VPS41: variants seen among roughly 807,000 people sequenced by gnomAD.
VPS41 encodes the protein vacuolar protein sorting-associated protein 41 homolog.
Under a neutral mutation model 130.9 loss-of-function variants are expected in VPS41, and 85 were observed. The observed-to-expected ratio is 0.65, with a 90% CI of 0.55 to 0.78. VPS41 has a LOEUF of 0.78. VPS41 is among the 30% of genes least tolerant of loss of function. VPS41 has a pLI of 0.00. For missense variants in VPS41, 874 were observed against 1,018.7 expected (o/e 0.86, Z 1.93); for synonymous variants, 335 against 332.9 (o/e 1.01, Z -0.07).
chr7:38,887,903 C>T (rs1360170985), intron 2 of VPS41, among the ~76,000 whole-genome samples: 1 of 152,172 alleles, frequency 6.6e-6, no homozygotes, highest in East Asian at 1.9e-4. Context: ...GAATTTTCAA[C>T]CCAGAATTTC....
intron 5 of VPS41, among the ~76,000 whole-genome samples, chr7:38,828,600 A>G (rs1584415815): frequency 2.6e-5 from 4 of 152,146 alleles, no homozygotes; most frequent in African/African-American, 9.7e-5. Flanking sequence ...TAGCTTCTCA[A>G]TTTTCACAAT....
intron 19 of VPS41, among the ~76,000 whole-genome samples, chr7:38,756,109 G>A (rs2115729221): frequency 6.6e-6 from 1 of 152,080 alleles, no homozygotes; most frequent in East Asian, 1.9e-4. Context: ...GGAGCCTTTA[G>A]GGTTCTACTT....
chr7:38,881,254 A>G (rs6948026), intron 2 of VPS41, among the ~76,000 whole-genome samples: 95,668 of 152,042 alleles, frequency 0.63, 31,473 homozygotes, highest in East Asian at 0.9. Flanking sequence ...TGAAAGCGCC[A>G]GCATTCCTTG....
intron 25 of VPS41, among the ~76,000 whole-genome samples, chr7:38,729,815 G>A (rs1156347641): frequency 6.6e-6 from 1 of 152,222 alleles, no homozygotes; most frequent in Non-Finnish European, 1.5e-5. Flanking sequence ...TGTCCATTCT[G>A]TGGGGCACAG....
rs79252626 is a variant in VPS41 at position 38,785,710 on chromosome 7, A to G, written c.784+4091T>C. On this transcript the variant is annotated intron_variant, in intron 10 of 28. Transcript: ENST00000310301. ...ATAAAACTACCTTGTTGCATCAACT[A>G]AACTTAAGCTAAACACTAAAAAATA... Among the ~76,000 whole-genome samples, 147 of 152,344 alleles carry G rather than the reference A, an allele frequency of 9.6e-4. 1 individual carries two copies. In the East Asian group the frequency reaches 0.026, roughly 27 times the overall value.
chr7:38,753,956 T>C (rs774193082), intron 21 of VPS41, among the ~76,000 whole-genome samples: 1 of 152,200 alleles, frequency 6.6e-6, no homozygotes, highest in Admixed American at 6.5e-5. Flanking sequence ...AGTGCACTTA[T>C]TGTATCTGAT....
At chr7:38,876,140 T>C (rs1199435729) in intron 2 of VPS41, among the ~76,000 whole-genome samples, 2 of 152,114 alleles carry the variant, frequency 1.3e-5, no homozygotes, top group East Asian at 3.9e-4. Flanking sequence ...AGGCCAGGGA[T>C]TATGCTAAAC....
intron 4 of VPS41, chr7:38,831,462 C>T: frequency 3.8e-6 from 1 of 264,196 alleles, no homozygotes; most frequent in South Asian, 3.9e-5. Context: ...GCAGTAAGTT[C>T]TACTGGAGAG....
chr7:38,907,144 A>G (rs1787286697), intron 1 of VPS41, among the ~76,000 whole-genome samples: 1 of 152,170 alleles, frequency 6.6e-6, no homozygotes, highest in Non-Finnish European at 1.5e-5. Flanking sequence ...AGGGAAAAAT[A>G]ATGCAGGAAG....
intron 1 of VPS41, among the ~76,000 whole-genome samples, chr7:38,905,520 G>A (rs1449199266): frequency 1.3e-5 from 2 of 152,134 alleles, no homozygotes; most frequent in African/African-American, 2.4e-5. Flanking sequence ...TACCTAAAAA[G>A]TGGTTTTAGT....
intron 4 of VPS41, among the ~76,000 whole-genome samples, chr7:38,842,097 T>C (rs1785620146): frequency 6.6e-6 from 1 of 152,224 alleles, no homozygotes; most frequent in South Asian, 2.1e-4. Flanking sequence ...CAATTTCACC[T>C]AATGACTCTC....
At chr7:38,797,257 A>G (rs1411260899) in intron 7 of VPS41, among the ~76,000 whole-genome samples, 2 of 152,252 alleles carry the variant, frequency 1.3e-5, no homozygotes, top group Non-Finnish European at 2.9e-5. Context: ...TTCACTGAAA[A>G]TAAGATATTA....
chr7:38,861,382 G>A (rs960842295), intron 4 of VPS41, among the ~76,000 whole-genome samples: 8 of 152,130 alleles, frequency 5.3e-5, no homozygotes. Flanking sequence ...ACATTTTAAT[G>A]GATGGCAACT....
intron 10 of VPS41, among the ~76,000 whole-genome samples, chr7:38,787,998 G>T (rs756724802): frequency 2.0e-5 from 3 of 152,140 alleles, no homozygotes; most frequent in Non-Finnish European, 4.4e-5. Context: ...CAGGGTTCTA[G>T]GCTAATAGGG....
chr7:38,793,681 C>T (rs143955723), intron 9 of VPS41, among the ~76,000 whole-genome samples: 8 of 152,258 alleles, frequency 5.3e-5, no homozygotes, highest in Middle Eastern at 6.8e-3. Context: ...GGGCTAAAAT[C>T]AAGGTGTTGG....
At chr7:38,808,288 C>CT (rs1784878142) in intron 7 of VPS41, among the ~76,000 whole-genome samples, 1 of 152,070 alleles carries the variant, frequency 6.6e-6, no homozygotes, top group African/African-American at 2.4e-5. Flanking sequence ...CCTCAGATAG[C>CT]TTAGTATACA....
intron 2 of VPS41, among the ~76,000 whole-genome samples, chr7:38,890,372 G>C (rs1188410607): frequency 1.3e-5 from 2 of 152,212 alleles, no homozygotes; most frequent in African/African-American, 4.8e-5. Flanking sequence ...GTTGCCAGGA[G>C]TTGGATGTGC....
At chr7:38,876,909 C>T (rs926181484) in intron 2 of VPS41, among the ~76,000 whole-genome samples, 20 of 150,888 alleles carry the variant, frequency 1.3e-4, no homozygotes, top group African/African-American at 3.6e-4. Context: ...ATTGGGAAAG[C>T]GATAAGAATA....
chr7:38,781,646 T>G (rs147923942), intron 10 of VPS41, among the ~76,000 whole-genome samples: 1 of 152,332 alleles, frequency 6.6e-6, no homozygotes, highest in African/African-American at 2.4e-5. Context: ...CTTTTTGTTC[T>G]TATTGCTTTG....
Sources: gnomAD v4.1 joint callset for allele counts (sites outside exome capture counted in the v4.1 genomes callset) on GRCh38, gnomAD v4.1.1 for gene constraint, MANE v1.5 for transcripts, NCBI Gene and HGNC (gene_info 2026-07-23, HGNC 2026-07-21) for gene names.